Variants in HTR2C observed in about 807,000 individuals in gnomAD.
The protein encoded by HTR2C is 5-hydroxytryptamine (serotonin) receptor 2C, G protein-coupled.
A neutral mutation model predicts 21.0 loss-of-function variants in HTR2C; 5 were observed. That is an observed-to-expected ratio of 0.24 (90% CI 0.12 to 0.50). The LOEUF is 0.50. Ranked by LOEUF, HTR2C falls within the 20% of genes least tolerant of loss-of-function variation. HTR2C has a pLI of 0.98. For synonymous variants in HTR2C, 150 were observed against 145.3 expected (o/e 1.03, Z -0.23); for missense variants, 271 against 371.2 (o/e 0.73, Z 2.22).
At chrX:114,587,992 C>T (rs1286452182) in intron 1 of HTR2C, among the ~76,000 whole-genome samples, 2 of 112,416 alleles carry the variant, frequency 1.8e-5, no homozygotes, top group Non-Finnish European at 3.8e-5. Context: ...ATAAGATATA[C>T]ACAAGATGGA....
Position 114,737,229 on chromosome X carries a change from C to CTTT in HTR2C, c.349+5635_349+5637dup, listed in dbSNP as rs200101973. ...CCTGGCTTTTTTTTTCTTTTCTTTT[C>CTTT]TTTTTTTTTTTTTTTGAGATGGGGT... On this transcript the variant is annotated intron_variant, in intron 4 of 5. Coordinates refer to ENST00000276198, the MANE Select transcript of HTR2C (RefSeq NM_000868.4). Among the ~76,000 whole-genome samples the CTTT allele has an allele frequency of 3.9e-3, 379 of 97,272 alleles. 4 individuals carry two copies. The highest frequency in any genetic ancestry group is 0.014 in the African/African-American group (366 of 25,869). The allele number at this position is 97,272 out of a possible 115,157, so 84.5% of individuals were successfully genotyped here.
At chrX:114,706,975 G>T (rs1347606954) in intron 2 of HTR2C, among the ~76,000 whole-genome samples, 4 of 110,915 alleles carry the variant, frequency 3.6e-5, no homozygotes, top group African/African-American at 1.3e-4. Context: ...ATTTAAGATT[G>T]TAAGGTTTGT....
intron 1 of HTR2C, among the ~76,000 whole-genome samples, chrX:114,607,327 G>A (rs1928504389): frequency 9.0e-6 from 1 of 111,554 alleles, no homozygotes; most frequent in Admixed American, 9.5e-5. Context: ...AAGGTGTGGA[G>A]TTTCTTCTTC....
intron 5 of HTR2C, among the ~76,000 whole-genome samples, chrX:114,869,990 C>A (rs1556475869): frequency 8.9e-6 from 1 of 111,875 alleles, no homozygotes; most frequent in African/African-American, 3.2e-5. Context: ...GTTGAACCAT[C>A]CTTGCATCCT....
intron 2 of HTR2C, among the ~76,000 whole-genome samples, chrX:114,726,540 T>C (rs1933494853): frequency 8.9e-6 from 1 of 112,512 alleles, no homozygotes; most frequent in South Asian, 3.7e-4. Context: ...TGAGAAGTTT[T>C]TGAAGAATAT....
intron 1 of HTR2C, among the ~76,000 whole-genome samples, chrX:114,609,918 G>A (rs1928649568): frequency 8.9e-6 from 1 of 111,931 alleles, no homozygotes; most frequent in South Asian, 3.7e-4. Context: ...AGAAGCAGGA[G>A]GATGGAATTG....
At chrX:114,796,992 T>C (rs1269802980) in intron 4 of HTR2C, among the ~76,000 whole-genome samples, 1 of 112,098 alleles carries the variant, frequency 8.9e-6, no homozygotes, top group Non-Finnish European at 1.9e-5. Context: ...AAATACTCCT[T>C]GGATAAATGT....
chrX:114,804,903 A>G (rs1160566481), intron 4 of HTR2C, among the ~76,000 whole-genome samples: 2 of 112,032 alleles, frequency 1.8e-5, no homozygotes, highest in African/African-American at 6.5e-5. Context: ...TCCAGGCCAC[A>G]GGCTTTTTCC....
intron 4 of HTR2C, among the ~76,000 whole-genome samples, chrX:114,741,248 C>A (rs1026022278): frequency 3.7e-5 from 4 of 108,792 alleles, no homozygotes; most frequent in African/African-American, 1.3e-4. Context: ...GGGCCGGGCA[C>A]GGTGGCTCAT....
intron 2 of HTR2C, among the ~76,000 whole-genome samples, chrX:114,701,340 G>T (rs1932488354): frequency 1.8e-5 from 2 of 111,198 alleles, no homozygotes; most frequent in Non-Finnish European, 3.8e-5. Flanking sequence ...ACCTCACATG[G>T]CCGGGTACTC....
intron 2 of HTR2C, among the ~76,000 whole-genome samples, chrX:114,690,786 A>G (rs1316255359): frequency 1.8e-5 from 2 of 111,392 alleles, no homozygotes; most frequent in African/African-American, 6.5e-5. Flanking sequence ...GTTTTGCTTG[A>G]TTCATTTAAA....
intron 5 of HTR2C, among the ~76,000 whole-genome samples, chrX:114,854,344 C>G (rs190606799): frequency 9.1e-6 from 1 of 110,402 alleles, no homozygotes; most frequent in East Asian, 2.8e-4. Flanking sequence ...AAATAATTAG[C>G]TCTATTAAAA....
intron 4 of HTR2C, among the ~76,000 whole-genome samples, chrX:114,781,181 A>T (rs1310976177): frequency 9.0e-6 from 1 of 111,264 alleles, no homozygotes; most frequent in Non-Finnish European, 1.9e-5. Context: ...AAAACATAAG[A>T]GAGGTTAAGA....
chrX:114,619,419 G>A (rs782774247), intron 2 of HTR2C, among the ~76,000 whole-genome samples: 33 of 111,243 alleles, frequency 3.0e-4, no homozygotes, highest in Middle Eastern at 4.6e-3. Flanking sequence ...CTTTATCATG[G>A]TTTATAAAAG....
intron 4 of HTR2C, among the ~76,000 whole-genome samples, chrX:114,798,419 C>T (rs2070314870): frequency 9.0e-6 from 1 of 111,572 alleles, no homozygotes; most frequent in African/African-American, 3.3e-5. Flanking sequence ...CTGATAAATT[C>T]ACAGTGTTTG....
intron 4 of HTR2C, among the ~76,000 whole-genome samples, chrX:114,797,117 T>G (rs1188936209): frequency 8.9e-6 from 1 of 111,816 alleles, no homozygotes; most frequent in Non-Finnish European, 1.9e-5. Context: ...TAATTTGTCT[T>G]GAAAGAAGAC....
chrX:114,792,998 TA>T (rs1556444075), intron 4 of HTR2C, among the ~76,000 whole-genome samples: 1 of 112,039 alleles, frequency 8.9e-6, no homozygotes, highest in Non-Finnish European at 1.9e-5. Context: ...AAGTTCCTTT[TA>T]AATGCTAGAT....
chrX:114,769,111 G>A (rs1201802652), intron 4 of HTR2C, among the ~76,000 whole-genome samples: 1 of 111,011 alleles, frequency 9.0e-6, no homozygotes, highest in Non-Finnish European at 1.9e-5. Flanking sequence ...TAAAAAAGTA[G>A]TGAAACAGCA....
chrX:114,619,369 G>A (rs1401010368), intron 2 of HTR2C, among the ~76,000 whole-genome samples: 4 of 111,187 alleles, frequency 3.6e-5, no homozygotes, highest in South Asian at 3.8e-4. Flanking sequence ...TCCCAAATCC[G>A]TTCTCCCAAT....
Sources: allele counts gnomAD v4.1 joint callset (sites outside exome capture counted in the v4.1 genomes callset), GRCh38; gene constraint gnomAD v4.1.1; transcripts MANE v1.5; gene names NCBI Gene and HGNC (gene_info 2026-07-23, HGNC 2026-07-21).